Variants in ADAP2 observed in about 807,000 individuals in gnomAD.
ADAP2 encodes the protein arf-GAP with dual PH domain-containing protein 2.
ADAP2 carries 42 observed loss-of-function variants against 54.9 expected under a neutral mutation model. The observed-to-expected ratio is 0.77, with a 90% CI of 0.60 to 0.99. ADAP2 has a LOEUF of 0.99. Ranked by LOEUF, ADAP2 falls within the 50% of genes least tolerant of loss-of-function variation. The pLI is 0.00. For missense variants in ADAP2, 429 were observed against 480.4 expected (o/e 0.89, Z 1.00); for synonymous variants, 177 against 180.1 (o/e 0.98, Z 0.14).
chr17:30,932,087 G>A (rs766416195), intron 4 of ADAP2, 119 bp downstream of exon 4: 159 of 888,978 alleles, frequency 1.8e-4, no homozygotes, highest in Non-Finnish European at 2.3e-4. Flanking sequence ...CACTGTGGCC[G>A]CAGAGGCCAA....
At position 30,922,043 on chromosome 17, in the gene ADAP2, G is replaced by T; in HGVS notation, c.29G>T (p.Arg10Leu). The T allele has an allele frequency of 1.6e-6, 2 of 1,275,580 alleles. No individual in the cohort carries two copies. The highest frequency in any genetic ancestry group is 2.0e-6 in the Non-Finnish European group (2 of 1,015,692). 79.0% of individuals were successfully genotyped at this position (1,275,580 alleles called of 1,614,324 possible). Residue 10 changes from arginine to leucine, a missense_variant, in exon 1 of 11, where the codon CGG becomes CTG. Physicochemically the swap from Arg to Leu is moderately radical, Grantham distance 102. Coordinates refer to ENST00000330889, the MANE Select transcript of ADAP2 (RefSeq NM_018404.3). MGDRERNKK[R>L]LLELLRAPDT... ...GGCGATCGCGAGCGCAACAAGAAGC[G>T]GCTGCTGGAGCTGCTGCGGGCGCCG...
chr17:30,946,449 C>A (rs1450709072), intron 6 of ADAP2, among the ~76,000 whole-genome samples: 1 of 152,056 alleles, frequency 6.6e-6, no homozygotes, highest in Non-Finnish European at 1.5e-5. Context: ...GAATTCCTGA[C>A]CTCAAGTGAT....
intron 4 of ADAP2, 121 bp downstream of exon 4, chr17:30,932,089 A>T: frequency 1.1e-6 from 1 of 872,642 alleles, no homozygotes; most frequent in Non-Finnish European, 1.8e-6. Flanking sequence ...CTGTGGCCGC[A>T]GAGGCCAAGG....
rs1378801571 is a variant in ADAP2 at position 30,934,249 on chromosome 17, T to G, written c.462T>G (p.Phe154Leu). 1 of 1,614,170 alleles carries G rather than the reference T, an allele frequency of 6.2e-7. No individual in the cohort carries two copies. The highest frequency in any genetic ancestry group is 1.7e-5 in the Admixed American group (1 of 60,008). ...RDNSQFLRRKFVLLAREGLLK... is the reference protein window; with the variant it reads ...RDNSQFLRRKLVLLAREGLLK... ...ACTCACAGTTTCTGAGAAGGAAGTT[T>G]GTACTTCTGGCAAGAGAAGGCCTCC... The change falls in exon 5 of 11, where the codon TTT becomes TTG. Residue 154 changes from phenylalanine (F) to leucine (L), a missense_variant. Transcript: ENST00000330889.
chr17:30,952,209 A>G (rs1237533507), intron 7 of ADAP2, among the ~76,000 whole-genome samples: 2 of 152,188 alleles, frequency 1.3e-5, no homozygotes, highest in Non-Finnish European at 2.9e-5. Context: ...TGGGGATCAC[A>G]TGATCCAGGC....
chr17:30,927,121 G>A (rs760696380), intron 3 of ADAP2, among the ~76,000 whole-genome samples: 1 of 152,078 alleles, frequency 6.6e-6, no homozygotes, highest in African/African-American at 2.4e-5. Context: ...TTGCTTGGGC[G>A]TGTCTCTTCC....
intron 6 of ADAP2, among the ~76,000 whole-genome samples, chr17:30,948,443 G>A (rs565311559): frequency 2.6e-5 from 4 of 151,938 alleles, no homozygotes; most frequent in Admixed American, 6.6e-5. Context: ...GGTGGTGGGC[G>A]CCTGTAGTCC....
At chr17:30,938,454 A>G (rs905146272) in intron 5 of ADAP2, among the ~76,000 whole-genome samples, 2 of 152,186 alleles carry the variant, frequency 1.3e-5, no homozygotes, top group Non-Finnish European at 2.9e-5. Flanking sequence ...CCCTGATTCA[A>G]GGGGAGGGGA....
intron 2 of ADAP2, among the ~76,000 whole-genome samples, chr17:30,923,802 CA>C (rs1374333791): frequency 5.5e-5 from 8 of 145,748 alleles, no homozygotes; most frequent in Non-Finnish European, 8.9e-5. Flanking sequence ...TGGGTTCAAG[CA>C]ATTCTCCTGC....
chr17:30,947,604 C>T (rs1036845208), intron 6 of ADAP2, among the ~76,000 whole-genome samples: 11 of 152,272 alleles, frequency 7.2e-5, no homozygotes, highest in Admixed American at 4.6e-4. Flanking sequence ...CCACCCGCCT[C>T]GGCCTCCCAG....
At chr17:30,940,682 A>G (rs1462347208) in intron 5 of ADAP2, among the ~76,000 whole-genome samples, 1 of 152,208 alleles carries the variant, frequency 6.6e-6, no homozygotes, top group African/African-American at 2.4e-5. Context: ...ATGATGCATA[A>G]TCACTTCCCA....
In ADAP2 at chr17:30,957,941, C is replaced by T; in HGVS notation, c.*72C>T. ...GTGGGAAGAAGTTTGCACCTCGGCC[C>T]TGGCTGCCCACCATCAGTGCCCCGC... On this transcript the variant is annotated 3_prime_UTR_variant, in exon 11 of 11. Coordinates refer to ENST00000330889, the MANE Select transcript of ADAP2 (RefSeq NM_018404.3). The T allele has an allele frequency of 2.1e-6, 3 of 1,458,760 alleles. No individual in the cohort carries two copies. Among genetic ancestry groups the T allele is most frequent in the Non-Finnish European group, 2.8e-6 (3 of 1,053,026 alleles). 90.4% of individuals were successfully genotyped at this position (1,458,760 alleles called of 1,614,324 possible). A position where few individuals can be genotyped will look rare whatever the true frequency, so the allele number is the denominator to read the frequency against.
intron 3 of ADAP2, among the ~76,000 whole-genome samples, chr17:30,931,065 C>T (rs534865715): frequency 5.9e-5 from 9 of 152,250 alleles, no homozygotes; most frequent in South Asian, 2.1e-4. Context: ...GATCCTAAGA[C>T]GACTGCTTTG....
intron 7 of ADAP2, among the ~76,000 whole-genome samples, chr17:30,951,509 A>AT (rs926565748): frequency 6.6e-6 from 1 of 151,586 alleles, no homozygotes; most frequent in Admixed American, 6.6e-5. Flanking sequence ...TTTTTTTTTA[A>AT]TTTTTTATAG....
At chr17:30,953,683 C>T (rs1598057418) in intron 8 of ADAP2, among the ~76,000 whole-genome samples, 1 of 151,970 alleles carries the variant, frequency 6.6e-6, no homozygotes, top group Non-Finnish European at 1.5e-5. Flanking sequence ...ATTACAGGTG[C>T]CCACCACCAT....
chr17:30,940,065 G>A (rs1252889981), intron 5 of ADAP2, among the ~76,000 whole-genome samples: 4 of 152,030 alleles, frequency 2.6e-5, no homozygotes, highest in Admixed American at 6.6e-5. Context: ...AGGCTCAAGC[G>A]CTCCTTCCAC....
At position 30,922,038 on chromosome 17, in the gene ADAP2, G is replaced by A. The variant is rs1311495247; in HGVS notation, c.24G>A (p.Lys8=). Residue 8 remains lysine, a synonymous_variant, in exon 1 of 11, where the codon AAG becomes AAA. Coordinates refer to ENST00000330889, the MANE Select transcript of ADAP2 (RefSeq NM_018404.3). ...CCATGGGCGATCGCGAGCGCAACAA[G>A]AAGCGGCTGCTGGAGCTGCTGCGGG... is the stretch of plus-strand genomic sequence containing the variant. MGDRERN[K]KRLLELLRAP... The A allele has an allele frequency of 7.8e-7, 1 of 1,277,380 alleles. No homozygotes were observed. Among genetic ancestry groups the A allele is most frequent in the Non-Finnish European group, 9.8e-7 (1 of 1,016,614 alleles). 79.1% of individuals were successfully genotyped at this position (1,277,380 alleles called of 1,614,324 possible).
At chr17:30,932,931 T>G (rs538876325) in intron 4 of ADAP2, among the ~76,000 whole-genome samples, 1 of 152,262 alleles carries the variant, frequency 6.6e-6, no homozygotes, top group Admixed American at 6.5e-5. Context: ...GGAAAAGATA[T>G]CCCTGCTCCT....
At chr17:30,940,184 A>AACTCCTG (rs1395118912) in intron 5 of ADAP2, among the ~76,000 whole-genome samples, 12 of 151,988 alleles carry the variant, frequency 7.9e-5, no homozygotes, top group African/African-American at 2.9e-4. Context: ...GTTGGTCTTG[A>AACTCCTG]ACTCCTGAAC....
Sources: allele counts gnomAD v4.1 joint callset (sites outside exome capture counted in the v4.1 genomes callset), GRCh38; gene constraint gnomAD v4.1.1; transcripts MANE v1.5; gene names NCBI Gene and HGNC (gene_info 2026-07-23, HGNC 2026-07-21).